PRR16: variants seen among roughly 807,000 people sequenced by gnomAD.
PRR16 encodes the protein protein Largen.
Under a neutral mutation model 18.2 loss-of-function variants are expected in PRR16, and 6 were observed. The observed-to-expected ratio is 0.33, with a 90% CI of 0.18 to 0.65. PRR16 has a LOEUF of 0.65. PRR16 is among the 30% of genes least tolerant of loss of function. The probability of loss-of-function intolerance (pLI) is 0.74; values close to 1 mark genes in which losing one functional copy is unlikely to be tolerated. For synonymous variants in PRR16, 151 were observed against 147.8 expected (o/e 1.02, Z -0.16); for missense variants, 412 against 376.6 (o/e 1.09, Z -0.78).
chr5:120,578,309 T>C (rs6899002), intron 1 of PRR16, among the ~76,000 whole-genome samples: 3,300 of 152,278 alleles, frequency 0.022, 119 homozygotes, highest in African/African-American at 0.074. Context: ...GGGATACATA[T>C]GTAGAACGTG....
rs182683377 is a variant in PRR16 at position 120,616,887 on chromosome 5, G to C, written c.160-69067G>C. ...TCTTATGTTTTCACTCACAATACGT[G>C]GTCTTTCACATGCACTTCCTTCCTA... is the stretch of plus-strand genomic sequence containing the variant. On this transcript the variant is annotated intron_variant, in intron 1 of 1. Coordinates refer to ENST00000407149, the MANE Select transcript of PRR16 (RefSeq NM_001300783.2). 8.6e-4 allele frequency among the ~76,000 whole-genome samples: 131 copies of C among 152,140 alleles called. 2 individuals carry two copies. Among genetic ancestry groups the C allele is most frequent in the Admixed American group, 2.8e-3 (42 of 15,272 alleles).
the PRR16 span, chr5:120,781,164 T>A: frequency 6.6e-6 from 1 of 152,252 alleles, no homozygotes; most frequent in East Asian, 1.9e-4. Context: ...CTGATGATAT[T>A]CTACATGGGC....
chr5:120,654,133 A>C (rs1426391806), intron 1 of PRR16, among the ~76,000 whole-genome samples: 1 of 152,082 alleles, frequency 6.6e-6, no homozygotes, highest in Non-Finnish European at 1.5e-5. Context: ...ATATCCTCTG[A>C]GGAGGTGTGT....
chr5:120,616,061 A>G (rs975413873), intron 1 of PRR16, among the ~76,000 whole-genome samples: 1 of 152,132 alleles, frequency 6.6e-6, no homozygotes, highest in Non-Finnish European at 1.5e-5. Flanking sequence ...CCCCACCCCA[A>G]ACTGACTCTT....
At chr5:120,613,367 A>AT (rs1754394327) in intron 1 of PRR16, among the ~76,000 whole-genome samples, 1 of 80,258 alleles carries the variant, frequency 1.2e-5, no homozygotes, top group African/African-American at 3.3e-5. Flanking sequence ...AAGCTTCATA[A>AT]TTTATTTTTT....
intron 1 of PRR16, among the ~76,000 whole-genome samples, chr5:120,521,567 A>G (rs2112652715): frequency 6.6e-6 from 1 of 152,280 alleles, no homozygotes; most frequent in Admixed American, 6.5e-5. Flanking sequence ...TGATGTTTCA[A>G]TATTTGCAAA....
chr5:120,792,877 C>T, the PRR16 span, among the ~76,000 whole-genome samples: 1 of 151,524 alleles, frequency 6.6e-6, no homozygotes, highest in Non-Finnish European at 1.5e-5. Flanking sequence ...GTGGGCTGGG[C>T]GTGGTGGCTC....
intron 1 of PRR16, among the ~76,000 whole-genome samples, chr5:120,661,781 C>G: frequency 6.6e-6 from 1 of 152,046 alleles, no homozygotes; most frequent in Admixed American, 6.6e-5. Flanking sequence ...CCCTCTAGAT[C>G]ACGCTACAGT....
At chr5:120,727,866 G>T in the PRR16 span, among the ~76,000 whole-genome samples, 2 of 151,870 alleles carry the variant, frequency 1.3e-5, no homozygotes, top group Non-Finnish European at 2.9e-5. Flanking sequence ...AAATCATTAA[G>T]AAAACTTTTA....
At chr5:120,590,581 A>G (rs1753599782) in intron 1 of PRR16, among the ~76,000 whole-genome samples, 1 of 152,146 alleles carries the variant, frequency 6.6e-6, no homozygotes, top group South Asian at 2.1e-4. Context: ...TTTATCTAGA[A>G]TTGTTAGAAG....
At chr5:120,640,478 AT>A (rs1755386156) in intron 1 of PRR16, among the ~76,000 whole-genome samples, 1 of 152,104 alleles carries the variant, frequency 6.6e-6, no homozygotes, top group African/African-American at 2.4e-5. Flanking sequence ...TTCTAATATA[AT>A]GCCCCCCATA....
At chr5:120,664,496 G>A (rs1307319268) in intron 1 of PRR16, among the ~76,000 whole-genome samples, 2 of 150,914 alleles carry the variant, frequency 1.3e-5, no homozygotes, top group African/African-American at 4.9e-5. Context: ...TAGGGTACAT[G>A]TGCACAATGT....
At chr5:120,621,455 C>T (rs771667087) in intron 1 of PRR16, among the ~76,000 whole-genome samples, 1 of 152,036 alleles carries the variant, frequency 6.6e-6, no homozygotes, top group South Asian at 2.1e-4. Context: ...TCTCTGATCC[C>T]CCTGTCCAGT....
the PRR16 span, among the ~76,000 whole-genome samples, chr5:120,765,704 G>GTAAC: frequency 2.6e-5 from 4 of 152,072 alleles, no homozygotes; most frequent in Non-Finnish European, 5.9e-5. Flanking sequence ...AACATAGTAT[G>GTAAC]TAACTAGCAT....
At chr5:120,481,580 G>A (rs541933131) in intron 1 of PRR16, among the ~76,000 whole-genome samples, 4 of 152,148 alleles carry the variant, frequency 2.6e-5, no homozygotes, top group Non-Finnish European at 5.9e-5. Context: ...TTTTAATAAC[G>A]TTCCTTTTAA....
At chr5:120,640,461 G>T (rs189095003) in intron 1 of PRR16, among the ~76,000 whole-genome samples, 1 of 152,170 alleles carries the variant, frequency 6.6e-6, no homozygotes, top group East Asian at 1.9e-4. Flanking sequence ...TTTCATGAAG[G>T]TGGTCATTCT....
the PRR16 span, among the ~76,000 whole-genome samples, chr5:120,707,759 G>C: frequency 6.6e-6 from 1 of 152,156 alleles, no homozygotes; most frequent in African/African-American, 2.4e-5. Flanking sequence ...AACAAGTAAA[G>C]ACAATTATTT....
chr5:120,776,747 A>C, the PRR16 span, among the ~76,000 whole-genome samples: 1 of 152,132 alleles, frequency 6.6e-6, no homozygotes, highest in Admixed American at 6.6e-5. Context: ...AATCTTTGTT[A>C]AAGTCTCTCT....
At chr5:120,714,918 C>T in the PRR16 span, among the ~76,000 whole-genome samples, 1 of 152,046 alleles carries the variant, frequency 6.6e-6, no homozygotes, top group African/African-American at 2.4e-5. Context: ...TGTTCTTACT[C>T]ATAAATGGGA....
Sources: allele counts gnomAD v4.1 joint callset (sites outside exome capture counted in the v4.1 genomes callset), GRCh38; gene constraint gnomAD v4.1.1; transcripts MANE v1.5; gene names NCBI Gene and HGNC (gene_info 2026-07-23, HGNC 2026-07-21).